SGCZ: variants seen among roughly 807,000 people sequenced by gnomAD.
SGCZ encodes the protein sarcoglycan zeta.
In SGCZ, 40 loss-of-function variants were observed where a neutral mutation model predicts 41.3. That is an observed-to-expected ratio of 0.97 (90% CI 0.75 to 1.26). The LOEUF (loss-of-function observed/expected upper bound fraction) is 1.26. Among genes scored for constraint, SGCZ ranks in the 50% most tolerant of loss-of-function variants. SGCZ has a pLI of 0.00. For synonymous variants in SGCZ, 206 were observed against 137.5 expected, an observed-to-expected ratio of 1.50 and a Z score of -3.49; for missense variants, 552 against 369.8, an observed-to-expected ratio of 1.49 and a Z score of -4.04.
intron 2 of SGCZ, among the ~76,000 whole-genome samples, chr8:14,346,510 T>A (rs755286475): frequency 2.5e-4 from 38 of 152,166 alleles, no homozygotes; most frequent in Non-Finnish European, 3.5e-4. Context: ...GTGAACCCAC[T>A]CATTATTTCA....
chr8:14,299,331 A>G (rs962271455), intron 3 of SGCZ, among the ~76,000 whole-genome samples: 4 of 151,910 alleles, frequency 2.6e-5, no homozygotes, highest in Admixed American at 2.6e-4. Context: ...CTTTATTAAA[A>G]CCTCTGCTCA....
chr8:14,378,162 C>G (rs867857952), intron 2 of SGCZ, among the ~76,000 whole-genome samples: 2,700 of 150,056 alleles, frequency 0.018, 69 homozygotes, highest in African/African-American at 0.052. Flanking sequence ...TAAAAGTGTT[C>G]CTATTTCTCC....
At chr8:14,149,922 G>A (rs778370261) in intron 5 of SGCZ, among the ~76,000 whole-genome samples, 7 of 152,026 alleles carry the variant, frequency 4.6e-5, no homozygotes, top group Non-Finnish European at 1.0e-4. Flanking sequence ...ACATACAATG[G>A]AGAAAAGACA....
chr8:14,878,941 C>G (rs1804472897), intron 1 of SGCZ: 1 of 152,144 alleles, frequency 6.6e-6, no homozygotes, highest in Non-Finnish European at 1.5e-5. Flanking sequence ...GTTGTTTTAC[C>G]TATTCCCTAT....
intron 1 of SGCZ, among the ~76,000 whole-genome samples, chr8:15,042,828 A>C (rs1221937563): frequency 6.6e-6 from 1 of 152,298 alleles, no homozygotes; most frequent in Non-Finnish European, 1.5e-5. Flanking sequence ...TCGCTCGGTC[A>C]AACCCAGGCT....
At chr8:14,256,942 A>G (rs1296461246) in intron 3 of SGCZ, among the ~76,000 whole-genome samples, 1 of 152,192 alleles carries the variant, frequency 6.6e-6, no homozygotes, top group East Asian at 1.9e-4. Context: ...ATAATAGAGT[A>G]TTCATTTGTT....
chr8:14,896,922 C>G (rs1350206742), intron 1 of SGCZ, among the ~76,000 whole-genome samples: 5 of 152,062 alleles, frequency 3.3e-5, no homozygotes, highest in African/African-American at 2.4e-5. Flanking sequence ...GCTGGGATTA[C>G]AGGTGAGCGC....
chr8:14,127,083 T>C (rs13265667), intron 5 of SGCZ, among the ~76,000 whole-genome samples: 28,386 of 152,066 alleles, frequency 0.19, 3,517 homozygotes, highest in East Asian at 0.66. Flanking sequence ...GGCTTACCTA[T>C]GTAAGGTAAG....
At chr8:14,724,575 T>C (rs1809992444) in intron 1 of SGCZ, among the ~76,000 whole-genome samples, 1 of 151,858 alleles carries the variant, frequency 6.6e-6, no homozygotes, top group Non-Finnish European at 1.5e-5. Context: ...TATATTGAAA[T>C]TCATTTGTAT....
chr8:14,483,767 T>C (rs574938439), intron 2 of SGCZ, among the ~76,000 whole-genome samples: 18 of 152,280 alleles, frequency 1.2e-4, no homozygotes, highest in African/African-American at 4.1e-4. Flanking sequence ...TAAATTAACA[T>C]ATATAAAATA....
chr8:14,306,216 C>A lies in SGCZ; in HGVS notation c.336+17887G>T, dbSNP rs182273916. Among the ~76,000 whole-genome samples the A allele has an allele frequency of 1.4e-3, 208 of 152,188 alleles. 1 individual carries two copies. Among genetic ancestry groups the A allele is most frequent in the Non-Finnish European group, 2.3e-3 (159 of 68,006 alleles). On this transcript the variant is annotated intron_variant, in intron 3 of 7. Transcript: ENST00000382080. ...CCATCATGACAACAAAAGTAGTTTA[C>A]AAATCTCACCATGATTAAAGCAAAA...
chr8:14,255,841 G>A (rs1253487525), intron 3 of SGCZ, among the ~76,000 whole-genome samples: 1 of 151,958 alleles, frequency 6.6e-6, no homozygotes, highest in South Asian at 2.1e-4. Flanking sequence ...AGATTTTGAG[G>A]TATTTCCATC....
chr8:14,123,360 A>G (rs997812958), intron 5 of SGCZ, among the ~76,000 whole-genome samples: 5 of 152,216 alleles, frequency 3.3e-5, no homozygotes, highest in Admixed American at 6.5e-5. Context: ...ATTATTTGCC[A>G]ATTTTGTTGA....
At chr8:14,416,597 T>C (rs1433551166) in intron 2 of SGCZ, among the ~76,000 whole-genome samples, 2 of 151,846 alleles carry the variant, frequency 1.3e-5, no homozygotes, top group East Asian at 1.9e-4. Flanking sequence ...ACAATGTTAC[T>C]CAGGGTATTT....
chr8:14,862,581 T>C (rs76269220), intron 1 of SGCZ, among the ~76,000 whole-genome samples: 20,692 of 96,408 alleles, frequency 0.21, 2,006 homozygotes, highest in Middle Eastern at 0.23. Flanking sequence ...TATATATATA[T>C]ACACACACAA....
chr8:14,558,348 G>A (rs1360560176), intron 1 of SGCZ, among the ~76,000 whole-genome samples: 2 of 152,086 alleles, frequency 1.3e-5, no homozygotes, highest in Admixed American at 6.6e-5. Flanking sequence ...GCCAAGGCAG[G>A]TGGATCACTT....
chr8:14,387,570 T>A (rs1355958093), intron 2 of SGCZ, among the ~76,000 whole-genome samples: 1 of 152,154 alleles, frequency 6.6e-6, no homozygotes, highest in Non-Finnish European at 1.5e-5. Flanking sequence ...CTTTTAAGGT[T>A]TTTAAATATT....
chr8:14,702,731 T>TGATAGATACATA (rs1554483736), intron 1 of SGCZ, among the ~76,000 whole-genome samples: 27 of 91,200 alleles, frequency 3.0e-4, no homozygotes, highest in African/African-American at 9.3e-4. Context: ...CTGGCTTCAA[T>TGATAGATACATA]GATAGATAGA....
At chr8:15,127,636 A>C (rs1807754960) in intron 1 of SGCZ, among the ~76,000 whole-genome samples, 1 of 152,170 alleles carries the variant, frequency 6.6e-6, no homozygotes, top group African/African-American at 2.4e-5. Flanking sequence ...TATTATCAGC[A>C]CTTCTTGGAT....
Sources: gnomAD v4.1 joint callset for allele counts (sites outside exome capture counted in the v4.1 genomes callset) on GRCh38, gnomAD v4.1.1 for gene constraint, MANE v1.5 for transcripts, NCBI Gene and HGNC (gene_info 2026-07-23, HGNC 2026-07-21) for gene names.